Variants in INF2 observed in about 807,000 individuals in gnomAD.
INF2 encodes the protein inverted formin-2.
Under a neutral mutation model 123.5 loss-of-function variants are expected in INF2, and 43 were observed. That is an observed-to-expected ratio of 0.35 (90% CI 0.27 to 0.45). The LOEUF is 0.45. INF2 is among the 20% of genes least tolerant of loss of function. The pLI, the probability that INF2 is intolerant of heterozygous loss-of-function variation, is 1.00. For missense variants in INF2, 1,453 were observed against 1,682.7 expected (o/e 0.86, Z 2.39); for synonymous variants, 851 against 745.0 (o/e 1.14, Z -2.32).
chr14:104,711,294 C>G, intron 15 of INF2, 108 bp downstream of exon 15: 1 of 969,464 alleles, frequency 1.0e-6, no homozygotes, highest in South Asian at 1.4e-5. Flanking sequence ...GGCCGCCGGT[C>G]TCCCTGTCTC....
At chr14:104,695,055 G>A (rs570907030) in intron 1 of INF2, among the ~76,000 whole-genome samples, 195 of 152,244 alleles carry the variant, frequency 1.3e-3, no homozygotes, top group African/African-American at 4.0e-3. Flanking sequence ...TGTCTGGTCC[G>A]GGGGGAGGAA....
chr14:104,703,813 A>C (rs928639615), intron 4 of INF2, 103 bp from the exon 5 acceptor site: 6 of 1,589,438 alleles, frequency 3.8e-6, no homozygotes, highest in African/African-American at 1.3e-5. Flanking sequence ...CTGGTGTCCC[A>C]TGAGTGCAGC....
intron 1 of INF2, among the ~76,000 whole-genome samples, chr14:104,698,839 C>T (rs1013110785): frequency 2.6e-5 from 4 of 152,206 alleles, no homozygotes; most frequent in Non-Finnish European, 2.9e-5. Context: ...TATGCCGGGC[C>T]GCAGCCCAGC....
intron 13 of INF2, 52 bp downstream of exon 13, chr14:104,710,240 G>C (rs991857472): frequency 7.3e-7 from 1 of 1,362,034 alleles, no homozygotes; most frequent in Admixed American, 2.0e-5. Flanking sequence ...CCTCCGAACC[G>C]GGGCGGGAGG....
intron 2 of INF2, 100 bp from the exon 3 acceptor site, chr14:104,703,005 G>A (rs1054017102): frequency 2.8e-5 from 27 of 955,802 alleles, no homozygotes; most frequent in African/African-American, 6.5e-5. Context: ...ACCCCCTGGC[G>A]TCTGCCTGCC....
In INF2 at chr14:104,707,334, C is replaced by T. The variant is rs375622503; in HGVS notation, c.1067C>T (p.Ala356Val). The T allele has an allele frequency of 5.6e-5, 89 of 1,601,948 alleles. No homozygotes were observed. The highest frequency in any genetic ancestry group is 6.7e-5 in the Non-Finnish European group (79 of 1,175,184). ...CCCAGACCGAGCCCCCTGGTCAAGGCCCATAAAAGCGTCCAGGCCAACCTA... is the reference window on the plus strand; with the variant it reads ...CCCAGACCGAGCCCCCTGGTCAAGGTCCATAAAAGCGTCCAGGCCAACCTA... ...GRPRPSPLVK[A>V]HKSVQANLDQ... The change falls in exon 8 of 23, where the codon GCC (alanine) becomes GTC (valine). Residue 356 changes from alanine (A) to valine (V), a missense_variant. Physicochemically the swap from Ala to Val is moderately conservative, Grantham distance 64. Transcript: ENST00000392634.
At position 104,693,201 on chromosome 14, in the gene INF2, C is replaced by T. The variant is rs146891607; in HGVS notation, c.-10+3462C>T. On this transcript the variant is annotated intron_variant, in intron 1 of 22. Coordinates refer to ENST00000392634, the MANE Select transcript of INF2 (RefSeq NM_022489.4). ...GCTCCCGTGCTGTGACAGCGTTATA[C>T]CACCCCACCTGCTTCCTGTGACCTG... Among the ~76,000 whole-genome samples, 1,243 of 152,306 alleles carry T rather than the reference C, an allele frequency of 8.2e-3. 21 individuals carry two copies. The highest frequency in any genetic ancestry group is 0.028 in the African/African-American group (1,180 of 41,582).
chr14:104,695,527 T>C (rs1029990651), intron 1 of INF2, among the ~76,000 whole-genome samples: 1 of 136,912 alleles, frequency 7.3e-6, no homozygotes, highest in Non-Finnish European at 1.7e-5. Context: ...CTGGGCTTCC[T>C]GGCGTGGGGC....
intron 1 of INF2, among the ~76,000 whole-genome samples, 174 bp downstream of exon 1, chr14:104,689,913 C>T (rs946396862): frequency 2.0e-5 from 3 of 152,004 alleles, no homozygotes; most frequent in African/African-American, 7.2e-5. Context: ...CCCCAGGGCG[C>T]CCCTGGCCCC....
chr14:104,710,214 G>A (rs565584447), intron 13 of INF2, 26 bp downstream of exon 13: 143 of 1,502,068 alleles, frequency 9.5e-5, no homozygotes, highest in Non-Finnish European at 1.2e-4. Context: ...CGGGGCACGT[G>A]TGCAGGAGGG....
intron 1 of INF2, among the ~76,000 whole-genome samples, chr14:104,695,593 T>TGACCCCTCCTCCCAGG: frequency 6.6e-6 from 1 of 151,138 alleles, no homozygotes. Flanking sequence ...CTCCTCCCAG[T>TGACCCCTCCTCCCAGG]GACCCCTCCT....
At chr14:104,688,296 C>A (rs1387705282), upstream of INF2, among the ~76,000 whole-genome samples, 1 of 152,252 alleles carries the variant, frequency 6.6e-6, no homozygotes, top group African/African-American at 2.4e-5. Context: ...CTGGGCAGGG[C>A]AAGGTCCGCA....
rs1431424168 is a variant in INF2 at position 104,707,687 on chromosome 14, C to T, written c.1420C>T (p.Pro474Ser). The T allele has an allele frequency of 9.8e-7, 1 of 1,023,474 alleles. No homozygotes were observed. The highest frequency in any genetic ancestry group is 1.7e-5 in the African/African-American group (1 of 58,664). 63.4% of individuals were successfully genotyped at this position (1,023,474 alleles called of 1,614,324 possible). A position where few individuals can be genotyped will look rare whatever the true frequency, so the allele number is the denominator to read the frequency against. The change falls in exon 8 of 23, where the codon CCT becomes TCT. Residue 474 changes from proline (P) to serine (S), a missense_variant. Physicochemically the swap from Pro to Ser is moderately conservative, Grantham distance 74. Coordinates refer to ENST00000392634, the MANE Select transcript of INF2 (RefSeq NM_022489.4). Reference protein sequence around the residue: ...PGLGAMAPPAPPLPPPLPGSC... With the variant: ...PGLGAMAPPASPLPPPLPGSC... ...CCTGGGGGCCATGGCCCCCCCAGCA[C>T]CTCCTCTACCACCACCCCTGCCAGG...
At position 104,714,147 on chromosome 14, in the gene INF2, C is replaced by T. The variant is rs9672043; in HGVS notation, c.3041-56C>T. 1,093,194 of 1,418,364 alleles carry T rather than the reference C, an allele frequency of 0.77. 422,795 individuals carry two copies. The highest frequency in any genetic ancestry group is 0.92 in the East Asian group (36,988 of 40,078). The allele number at this position is 1,418,364 out of a possible 1,614,324, so 87.9% of individuals were successfully genotyped here. ...GACAGCGGAATGGAGGAGGCTGCAC[C>T]TGGGCTGGCTCGGGGGCAGGGTGCC... On this transcript the variant is annotated intron_variant, in intron 20 of 22. Coordinates refer to ENST00000392634, the MANE Select transcript of INF2 (RefSeq NM_022489.4).
At position 104,713,167 on chromosome 14, in the gene INF2, A is replaced by G. The variant is rs374528918; in HGVS notation, c.2776-40A>G. Reference sequence around the variant, plus strand: ...CCCAGGCCCATGGAGCCCCTGAGGGATGCCACGCTGGGGTGACGGGGCCAC... The same window carrying G: ...CCCAGGCCCATGGAGCCCCTGAGGGGTGCCACGCTGGGGTGACGGGGCCAC... On this transcript the variant is annotated intron_variant, in intron 18 of 22. Coordinates refer to ENST00000392634, the MANE Select transcript of INF2 (RefSeq NM_022489.4). 114 of 1,575,590 alleles carry G rather than the reference A, an allele frequency of 7.2e-5. No homozygotes were observed. The African/African-American group carries it at 1.4e-3, about 20-fold the overall frequency.
chr14:104,698,396 C>T (rs991595353), intron 1 of INF2, among the ~76,000 whole-genome samples: 2 of 152,244 alleles, frequency 1.3e-5, no homozygotes, highest in African/African-American at 2.4e-5. Flanking sequence ...AGTCGGCCAC[C>T]GCCACCCGCG....
rs763802374 is a variant in INF2 at position 104,712,931 on chromosome 14, C to T, written c.2714C>T (p.Ser905Phe). 1.3e-5 allele frequency: 21 copies of T among 1,612,708 alleles called. No homozygotes were observed. The highest frequency in any genetic ancestry group is 1.7e-5 in the Non-Finnish European group (20 of 1,179,816). ...CTGTGTGAGGACGCCCAGCAGCTGTCCCTGGAGGACACGTTCAGCACCATG... is the reference window on the plus strand; with the variant it reads ...CTGTGTGAGGACGCCCAGCAGCTGTTCCTGGAGGACACGTTCAGCACCATG... The part of the protein sequence containing the change: ...DYLCEDAQQL[S>F]LEDTFSTMKA... Residue 905 changes from serine (S) to phenylalanine (F), a missense_variant, in exon 18 of 23, where the codon TCC becomes TTC. Physicochemically the swap from Ser to Phe is radical, Grantham distance 155. Transcript: ENST00000392634.
At chr14:104,694,183 G>A (rs931152741) in intron 1 of INF2, among the ~76,000 whole-genome samples, 9 of 152,230 alleles carry the variant, frequency 5.9e-5, no homozygotes, top group Non-Finnish European at 1.0e-4. Flanking sequence ...CCACACGGGC[G>A]GTGCTGGCAC....
rs557082203 is a variant in INF2 at position 104,701,653 on chromosome 14, G to C, written c.288G>C (p.Leu96=). The C allele has an allele frequency of 3.1e-6, 5 of 1,595,946 alleles. No individual in the cohort carries two copies. In the East Asian group the frequency reaches 1.1e-4, roughly 36 times the overall value. ...GCGTTGCACGTATCTCCGACGCCCT[G>C]CTGCAGCTCACCTGCGTCAGCTGCG... ...GRGVARISDA[L]LQLTCVSCVR... Residue 96 remains leucine (L), a synonymous_variant, in exon 2 of 23, where the codon CTG becomes CTC. Coordinates refer to ENST00000392634, the MANE Select transcript of INF2 (RefSeq NM_022489.4).
Sources: allele counts gnomAD v4.1 joint callset (sites outside exome capture counted in the v4.1 genomes callset), GRCh38; gene constraint gnomAD v4.1.1; transcripts MANE v1.5; gene names NCBI Gene and HGNC (gene_info 2026-07-23, HGNC 2026-07-21).